Variants in SIL1 observed in about 807,000 individuals in gnomAD.
SIL1 encodes the protein SIL1 nucleotide exchange factor, also known as nucleotide exchange factor SIL1.
A neutral mutation model predicts 49.1 loss-of-function variants in SIL1; 40 were observed. The ratio of observed to expected loss-of-function variants is 0.81; its 90% CI spans 0.63 to 1.06. The LOEUF (loss-of-function observed/expected upper bound fraction) is 1.06, where lower values mean the gene tolerates loss of function less well. SIL1 is among the 50% of genes least tolerant of loss of function. The pLI is 0.00. For synonymous variants in SIL1, 253 were observed against 250.8 expected, an observed-to-expected ratio of 1.01 and a Z score of -0.08; for missense variants, 500 against 572.6, an observed-to-expected ratio of 0.87 and a Z score of 1.29.
intron 3 of SIL1, among the ~76,000 whole-genome samples, chr5:139,071,142 A>G (rs1419232585): frequency 6.6e-6 from 1 of 150,402 alleles, no homozygotes; most frequent in Non-Finnish European, 1.5e-5. Context: ...TGAAATCAGC[A>G]AAATTTAGCC....
intron 6 of SIL1, chr5:139,022,550 A>C (rs1010368599): frequency 6.6e-6 from 1 of 152,230 alleles, no homozygotes; most frequent in African/African-American, 2.4e-5. Flanking sequence ...TGTTGCATTA[A>C]TGAGTATGAA....
chr5:139,134,845 T>A (rs1333916664), intron 1 of SIL1, among the ~76,000 whole-genome samples: 2 of 152,098 alleles, frequency 1.3e-5, no homozygotes, highest in African/African-American at 4.8e-5. Flanking sequence ...CAGACACACA[T>A]TCATTACTAT....
chr5:139,143,442 C>G (rs998771906), intron 1 of SIL1, among the ~76,000 whole-genome samples: 10 of 151,238 alleles, frequency 6.6e-5, no homozygotes, highest in Admixed American at 4.0e-4. Flanking sequence ...GTAATCTAGG[C>G]TCACTGCAAC....
intron 7 of SIL1, among the ~76,000 whole-genome samples, chr5:139,011,409 A>T (rs540508098): frequency 6.2e-4 from 95 of 152,326 alleles, no homozygotes; most frequent in African/African-American, 2.1e-3. Context: ...GGAAATGCAG[A>T]AATCACCCAT....
chr5:138,951,469 C>T (rs1766777074), intron 8 of SIL1, 134 bp from the exon 9 acceptor site: 1 of 908,348 alleles, frequency 1.1e-6, no homozygotes, highest in African/African-American at 1.6e-5. Flanking sequence ...AGCTATACCC[C>T]AGAACCCAGG....
intron 7 of SIL1, among the ~76,000 whole-genome samples, chr5:138,952,995 G>C (rs1260725922): frequency 6.6e-6 from 1 of 152,250 alleles, no homozygotes; most frequent in East Asian, 1.9e-4. Flanking sequence ...TGAGGCCCCA[G>C]AGAAAAGAGG....
Position 139,038,174 on chromosome 5 carries a change from T to C in SIL1, c.453+4446A>G, listed in dbSNP as rs755545173. Among the ~76,000 whole-genome samples, 31 of 152,184 alleles carry C rather than the reference T, an allele frequency of 2.0e-4. 1 individual carries two copies. Among genetic ancestry groups the C allele is most frequent in the Non-Finnish European group, 4.3e-4 (29 of 68,030 alleles). On this transcript the variant is annotated intron_variant, in intron 5 of 9. Coordinates refer to ENST00000394817, the MANE Select transcript of SIL1 (RefSeq NM_022464.5). ...AGGGTTAGGGCTTCAACTTATAAAT[T>C]TGGGGGAGACACAAACATTCAATCC...
chr5:138,965,137 T>C (rs1767110398), intron 7 of SIL1, among the ~76,000 whole-genome samples: 1 of 152,238 alleles, frequency 6.6e-6, no homozygotes, highest in African/African-American at 2.4e-5. Context: ...AGCTTTTTGC[T>C]GTCCCTCCCC....
At chr5:139,096,941 G>T (rs1770479846) in intron 3 of SIL1, among the ~76,000 whole-genome samples, 1 of 151,964 alleles carries the variant, frequency 6.6e-6, no homozygotes, top group South Asian at 2.1e-4. Flanking sequence ...ACCTACCCTG[G>T]GCCAGAAGGG....
chr5:139,137,521 T>A (rs925600682), intron 1 of SIL1: 17 of 453,098 alleles, frequency 3.8e-5, no homozygotes, highest in Non-Finnish European at 5.5e-5. Flanking sequence ...AGGACAGAAA[T>A]TTTTTTTTTA....
chr5:138,975,956 G>T (rs1767384838), intron 7 of SIL1, among the ~76,000 whole-genome samples: 1 of 152,204 alleles, frequency 6.6e-6, no homozygotes, highest in South Asian at 2.1e-4. Context: ...AGAATAATTT[G>T]TTATACAACA....
intron 7 of SIL1, among the ~76,000 whole-genome samples, chr5:138,968,393 C>A (rs1461654544): frequency 6.6e-6 from 1 of 152,158 alleles, no homozygotes; most frequent in African/African-American, 2.4e-5. Context: ...ACCTCTCTTG[C>A]CCCGATGAAT....
chr5:139,115,207 G>GC (rs943630370), intron 3 of SIL1, among the ~76,000 whole-genome samples: 2 of 152,134 alleles, frequency 1.3e-5, no homozygotes, highest in Non-Finnish European at 2.9e-5. Context: ...TGGGAGCTTT[G>GC]CCCCCCTTAG....
At chr5:139,170,710 G>C (rs1362879392) in intron 1 of SIL1, among the ~76,000 whole-genome samples, 3 of 146,976 alleles carry the variant, frequency 2.0e-5, no homozygotes, top group Non-Finnish European at 4.5e-5. Context: ...CCCTCCGCCC[G>C]GCAGCCACCC....
intron 5 of SIL1, among the ~76,000 whole-genome samples, chr5:139,039,333 C>G (rs971010868): frequency 1.3e-5 from 2 of 152,174 alleles, no homozygotes; most frequent in African/African-American, 2.4e-5. Flanking sequence ...TCCAGACTCC[C>G]CACCTCAATG....
chr5:138,962,729 G>A (rs774623368), intron 7 of SIL1, among the ~76,000 whole-genome samples: 30 of 152,224 alleles, frequency 2.0e-4, no homozygotes, highest in Non-Finnish European at 3.4e-4. Flanking sequence ...CCCACTGAGT[G>A]GCCTTAGATT....
At chr5:139,171,554 C>A (rs1313907435) in intron 1 of SIL1, among the ~76,000 whole-genome samples, 1 of 152,008 alleles carries the variant, frequency 6.6e-6, no homozygotes, top group Admixed American at 6.5e-5. Context: ...CCCAGGGACA[C>A]AAACACTGCG....
chr5:138,977,217 C>T (rs1031272997), intron 7 of SIL1, among the ~76,000 whole-genome samples: 3 of 152,128 alleles, frequency 2.0e-5, no homozygotes, highest in African/African-American at 4.8e-5. Flanking sequence ...ATGAGAGTAG[C>T]CACAAACATG....
intron 3 of SIL1, among the ~76,000 whole-genome samples, chr5:139,069,217 G>A (rs1034730938): frequency 6.6e-6 from 1 of 152,070 alleles, no homozygotes; most frequent in Admixed American, 6.6e-5. Flanking sequence ...GAGCCCAGGA[G>A]CTCAAGATTG....
Sources: allele counts gnomAD v4.1 joint callset (sites outside exome capture counted in the v4.1 genomes callset), GRCh38; gene constraint gnomAD v4.1.1; transcripts MANE v1.5; gene names NCBI Gene and HGNC (gene_info 2026-07-23, HGNC 2026-07-21).